Variants in ZDHHC2 observed in about 807,000 individuals in gnomAD.
ZDHHC2 encodes the protein zDHHC palmitoyltransferase 2, also known as palmitoyltransferase ZDHHC2.
Under a neutral mutation model 55.6 loss-of-function variants are expected in ZDHHC2, and 51 were observed. That is an observed-to-expected ratio of 0.92 (90% CI 0.73 to 1.16). The LOEUF (loss-of-function observed/expected upper bound fraction) is 1.16. ZDHHC2 is among the 50% of genes most tolerant of loss of function. ZDHHC2 has a pLI of 0.00. For synonymous variants in ZDHHC2, 199 were observed against 152.9 expected, an observed-to-expected ratio of 1.30 and a Z score of -2.22; for missense variants, 491 against 442.4, an observed-to-expected ratio of 1.11 and a Z score of -0.99.
At chr8:17,173,605 T>C (rs922305510) in intron 1 of ZDHHC2, among the ~76,000 whole-genome samples, 2 of 150,962 alleles carry the variant, frequency 1.3e-5, no homozygotes, top group Non-Finnish European at 1.5e-5. Flanking sequence ...ATTGATTAAA[T>C]CTGGGTGGTC....
intron 1 of ZDHHC2, among the ~76,000 whole-genome samples, chr8:17,183,432 A>C (rs1390701720): frequency 6.6e-6 from 1 of 152,212 alleles, no homozygotes; most frequent in Non-Finnish European, 1.5e-5. Flanking sequence ...TCTATGAGAA[A>C]GCAAACTCTG....
intron 6 of ZDHHC2, among the ~76,000 whole-genome samples, chr8:17,202,732 T>TAA (rs766151469): frequency 1.5e-5 from 2 of 132,828 alleles, no homozygotes; most frequent in African/African-American, 7.0e-5. Flanking sequence ...TATATATATA[T>TAA]ATACACACAC....
At chr8:17,193,841 C>T (rs1806168739) in intron 3 of ZDHHC2, among the ~76,000 whole-genome samples, 1 of 152,090 alleles carries the variant, frequency 6.6e-6, no homozygotes, top group South Asian at 2.1e-4. Context: ...CATAGGTATA[C>T]ACGTGCCATG....
At chr8:17,213,937 T>C (rs967959482) in intron 10 of ZDHHC2, among the ~76,000 whole-genome samples, 1 of 152,192 alleles carries the variant, frequency 6.6e-6, no homozygotes, top group Non-Finnish European at 1.5e-5. Context: ...AGTAGGTAGT[T>C]GTTAAAGCTG....
chr8:17,159,358 T>C (rs1323193903), intron 1 of ZDHHC2, among the ~76,000 whole-genome samples: 3 of 152,172 alleles, frequency 2.0e-5, no homozygotes, highest in African/African-American at 7.2e-5. Context: ...GGTCGAGGGC[T>C]GGGAACTGGA....
intron 1 of ZDHHC2, among the ~76,000 whole-genome samples, chr8:17,159,154 G>C (rs1804209556): frequency 6.6e-6 from 1 of 152,118 alleles, no homozygotes; most frequent in Non-Finnish European, 1.5e-5. Flanking sequence ...CACAAAACCA[G>C]ACTCCCAGAC....
chr8:17,216,629 G>A (rs1172409508), intron 11 of ZDHHC2, among the ~76,000 whole-genome samples: 2 of 152,156 alleles, frequency 1.3e-5, no homozygotes, highest in African/African-American at 4.8e-5. Context: ...ATCCAGAAGG[G>A]ATTCACATTT....
Position 17,200,193 on chromosome 8 carries a change from C to T in ZDHHC2, c.476+1780C>T, listed in dbSNP as rs531186100. Among the ~76,000 whole-genome samples the T allele has an allele frequency of 5.2e-4, 79 of 152,332 alleles. 1 individual carries two copies. The highest frequency in any genetic ancestry group is 1.8e-3 in the African/African-American group (76 of 41,584). Reference sequence around the variant, plus strand: ...TCTCCCGTACCTGCTGGCAGCTCCCCATTCAGGCACCTGTGTTTCTTTTCT... The same window carrying T: ...TCTCCCGTACCTGCTGGCAGCTCCCTATTCAGGCACCTGTGTTTCTTTTCT... On this transcript the variant is annotated intron_variant, in intron 6 of 12. Transcript: ENST00000262096.
At position 17,199,418 on chromosome 8, in the gene ZDHHC2, G is replaced by T. The variant is rs551704104; in HGVS notation, c.476+1005G>T. Among the ~76,000 whole-genome samples the T allele has an allele frequency of 2.4e-3, 352 of 147,556 alleles. 2 individuals carry two copies. Among genetic ancestry groups the T allele is most frequent in the African/African-American group, 8.2e-3 (325 of 39,484 alleles). On this transcript the variant is annotated intron_variant, in intron 6 of 12. Transcript: ENST00000262096. ...CCCCTGCCCCCAGTTTTCTTTTCTG[G>T]TTTTTTTTACAACAAGTGTTCCCTC...
At chr8:17,199,782 C>G (rs1217265568) in intron 6 of ZDHHC2, among the ~76,000 whole-genome samples, 1 of 133,654 alleles carries the variant, frequency 7.5e-6, no homozygotes, top group African/African-American at 2.9e-5. Context: ...TTTTTTGAGA[C>G]AGAGTCTCGC....
chr8:17,216,184 A>C (rs555888065), intron 11 of ZDHHC2, among the ~76,000 whole-genome samples: 1 of 152,314 alleles, frequency 6.6e-6, no homozygotes, highest in South Asian at 2.1e-4. Flanking sequence ...CTTCGTTTCT[A>C]GTCTTTTCAA....
chr8:17,186,082 G>A (rs1310382015), intron 2 of ZDHHC2, among the ~76,000 whole-genome samples: 1 of 152,168 alleles, frequency 6.6e-6, no homozygotes, highest in African/African-American at 2.4e-5. Flanking sequence ...TAGATGGTCT[G>A]TCTACAGATG....
intron 11 of ZDHHC2, among the ~76,000 whole-genome samples, chr8:17,216,818 C>G (rs1026437477): frequency 6.6e-6 from 1 of 152,022 alleles, no homozygotes; most frequent in African/African-American, 2.4e-5. Flanking sequence ...AGAAAGTGCT[C>G]AAAGATTGGT....
chr8:17,191,409 TCTAA>T (rs1250138990), intron 3 of ZDHHC2, among the ~76,000 whole-genome samples: 3 of 152,232 alleles, frequency 2.0e-5, no homozygotes, highest in African/African-American at 7.2e-5. Flanking sequence ...ATTCATTCTT[TCTAA>T]CTTTTTTGGT....
intron 1 of ZDHHC2, among the ~76,000 whole-genome samples, chr8:17,183,254 A>G (rs967965542): frequency 2.0e-5 from 3 of 152,320 alleles, no homozygotes; most frequent in Admixed American, 6.5e-5. Context: ...CCACTGAAGG[A>G]TTGGAAATTT....
intron 12 of ZDHHC2, among the ~76,000 whole-genome samples, chr8:17,219,275 A>AAC (rs1807799753): frequency 6.6e-6 from 1 of 150,718 alleles, no homozygotes; most frequent in Non-Finnish European, 1.5e-5. Context: ...AAAAAAAAAA[A>AAC]AAACAGAAAA....
chr8:17,161,154 A>G (rs1039120647), intron 1 of ZDHHC2, among the ~76,000 whole-genome samples: 1 of 152,242 alleles, frequency 6.6e-6, no homozygotes, highest in Non-Finnish European at 1.5e-5. Flanking sequence ...CTGTGAAGTT[A>G]TGACCTACCA....
chr8:17,199,531 TC>T (rs1806555901), intron 6 of ZDHHC2, among the ~76,000 whole-genome samples: 1 of 23,196 alleles, frequency 4.3e-5, no homozygotes, highest in Admixed American at 7.4e-4. Context: ...GTCTTCGTCT[TC>T]TGTCTTCGTC....
rs1807692671 is a variant in ZDHHC2 at position 17,217,211 on chromosome 8, A to C, written c.1103A>C (p.Ter368SerextTer45). 2 of 1,610,526 alleles carry C rather than the reference A, an allele frequency of 1.2e-6. No individual in the cohort carries two copies. The highest frequency in any genetic ancestry group is 1.7e-6 in the Non-Finnish European group (2 of 1,178,190). Residue 368 changes from the stop codon to serine (S), a stop_lost, in exon 12 of 13, where the codon TAA becomes TCA. Transcript: ENST00000262096. ...NPALTMENET[*>S] ...GCATTAACCATGGAAAATGAGACTT[A>C]ACTCTTCAAGCAAGATAAATTCATA...
Sources: allele counts gnomAD v4.1 joint callset (sites outside exome capture counted in the v4.1 genomes callset), GRCh38; gene constraint gnomAD v4.1.1; transcripts MANE v1.5; gene names NCBI Gene and HGNC (gene_info 2026-07-23, HGNC 2026-07-21).